WDR90: variants seen among roughly 807,000 people sequenced by gnomAD.
WDR90 encodes the protein WD repeat domain 90, also known as WD repeat-containing protein 90.
A neutral mutation model predicts 195.2 loss-of-function variants in WDR90; 238 were observed. The observed-to-expected ratio is 1.22, with a 90% CI of 1.10 to 1.36. The LOEUF (loss-of-function observed/expected upper bound fraction) is 1.36. Ranked by LOEUF, WDR90 falls within the 40% of genes most tolerant of loss-of-function variation. The probability of loss-of-function intolerance (pLI) is 0.00; values close to 1 mark genes in which losing one functional copy is unlikely to be tolerated. For missense variants in WDR90, 2,734 were observed against 2,439.5 expected (o/e 1.12, Z -2.54); for synonymous variants, 1,265 against 1,052.4 (o/e 1.20, Z -3.91).
At position 650,991 on chromosome 16, in the gene WDR90, G is replaced by A. The variant is rs774032173; in HGVS notation, c.560-4G>A. ...TTGACCTGGAACAACCCTGCTCCTT[G>A]TAGCCATCTCTGGGGCCCAGTGGGC... On this transcript the variant is annotated splice_polypyrimidine_tract_variant and splice_region_variant and intron_variant, in intron 5 of 40. Coordinates refer to ENST00000293879, the MANE Select transcript of WDR90 (RefSeq NM_145294.5). The A allele has an allele frequency of 1.9e-5, 31 of 1,612,886 alleles. No individual in the cohort carries two copies. Among genetic ancestry groups the A allele is most frequent in the African/African-American group, 2.7e-5 (2 of 74,932 alleles).
At position 656,369 on chromosome 16, in the gene WDR90, C is replaced by T. The variant is rs1334237345; in HGVS notation, c.2034C>T (p.Ser678=). ...GCCTCCGTGTGCTGTCTGCCACCTC[C>T]TCGGGCCACCTGGGCTTCCTGGACA... ...PDGLRVLSAT[S]SGHLGFLDTL... The change falls in exon 18 of 41, where the codon TCC becomes TCT. Residue 678 remains serine, a synonymous_variant. Transcript: ENST00000293879. 1 of 1,609,558 alleles carries T rather than the reference C, an allele frequency of 6.2e-7. No individual in the cohort carries two copies. Among genetic ancestry groups the T allele is most frequent in the Non-Finnish European group, 8.5e-7 (1 of 1,179,740 alleles).
At position 651,028 on chromosome 16, in the gene WDR90, T is replaced by C; in HGVS notation, c.593T>C (p.Val198Ala). ...GGGGCCCAGTGGGCAAAGCTGCCCG[T>C]GACTCCTATGCCTCGGGAAATGGCA... The part of the protein sequence containing the change: ...ISGAQWAKLP[V>A]TPMPREMAFP... The change falls in exon 6 of 41, where the codon GTG (valine) becomes GCG (alanine). Residue 198 changes from valine (V) to alanine (A), a missense_variant. Val to Ala is a moderately conservative substitution (Grantham distance 64). Coordinates refer to ENST00000293879, the MANE Select transcript of WDR90 (RefSeq NM_145294.5). The C allele has an allele frequency of 6.2e-7, 1 of 1,613,348 alleles. No homozygotes were observed. Among genetic ancestry groups the C allele is most frequent in the Non-Finnish European group, 8.5e-7 (1 of 1,179,950 alleles).
chr16:652,138 C>A, intron 9 of WDR90, 99 bp downstream of exon 9: 2 of 1,356,362 alleles, frequency 1.5e-6, no homozygotes, highest in Non-Finnish European at 2.0e-6. Context: ...GTGCCTCCAA[C>A]GGTCTCCTCT....
intron 27 of WDR90, 132 bp downstream of exon 27, chr16:660,293 C>T (rs1596466401): frequency 9.5e-6 from 8 of 845,380 alleles, no homozygotes; most frequent in Admixed American, 3.0e-5. Context: ...GCGCCTGTCC[C>T]CTGGAGGCAA....
At chr16:655,522 G>T (rs1409096927) in intron 15 of WDR90, 51 bp from the exon 16 acceptor site, 4 of 1,541,512 alleles carry the variant, frequency 2.6e-6, no homozygotes, top group Admixed American at 3.8e-5. Flanking sequence ...CCTGGTGCCT[G>T]GGCCTCCCCT....
chr16:667,591 A>AT lies in WDR90; in HGVS notation c.*3dup. ...GTGTGGGAGGTCCCCGGCCTCTGAGATGCAGCAGGGACTGTGGTGGTGGGC... is the reference window on the plus strand; with the variant it reads ...GTGTGGGAGGTCCCCGGCCTCTGAGATTGCAGCAGGGACTGTGGTGGTGGGC... On this transcript the variant is annotated 3_prime_UTR_variant, in exon 41 of 41. Transcript: ENST00000293879. 8.7e-6 allele frequency: 14 copies of AT among 1,606,478 alleles called. No individual in the cohort carries two copies. Among genetic ancestry groups the AT allele is most frequent in the Non-Finnish European group, 1.2e-5 (14 of 1,179,932 alleles).
chr16:661,097 G>A lies in WDR90; in HGVS notation c.3438G>A (p.Leu1146=). The A allele has an allele frequency of 6.5e-7, 1 of 1,531,844 alleles. No homozygotes were observed. The highest frequency in any genetic ancestry group is 8.7e-7 in the Non-Finnish European group (1 of 1,152,670). 94.9% of individuals were successfully genotyped at this position (1,531,844 alleles called of 1,614,324 possible). The part of the protein sequence containing the change: ...TCGRLVVVED[L]HSGAQQHWSG... The stretch of plus-strand genomic sequence containing the variant: ...GCCGCCTGGTGGTGGTGGAGGACCT[G>A]CACTCTGGCGCCCAGCAGCACTGGT... The change falls in exon 29 of 41, where the codon CTG becomes CTA. Residue 1146 remains leucine (L), a synonymous_variant. Coordinates refer to ENST00000293879, the MANE Select transcript of WDR90 (RefSeq NM_145294.5).
At chr16:658,712 G>A in intron 23 of WDR90, 59 bp downstream of exon 23, 3 of 1,585,878 alleles carry the variant, frequency 1.9e-6, no homozygotes, top group Non-Finnish European at 2.6e-6. Flanking sequence ...GGTGGCCCTG[G>A]AGACCCCTGC....
intron 13 of WDR90, 63 bp from the exon 14 acceptor site, chr16:654,966 C>A: frequency 1.3e-6 from 2 of 1,539,314 alleles, no homozygotes; most frequent in Non-Finnish European, 8.9e-7. Flanking sequence ...TCGGCTGGGC[C>A]TTGCAGAATC....
rs202089109 is a variant in WDR90, at chr16:661,765, G to A, written c.3842G>A (p.Arg1281His). Reference protein sequence around the residue: ...GTVTFWLLQQRGADISLQVRR... With the variant: ...GTVTFWLLQQHGADISLQVRR... ...GTCACCTTCTGGCTCCTTCAGCAGC[G>A]TGGGGCAGACATCAGCCTTCAGGTG... is the stretch of plus-strand genomic sequence containing the variant. The change falls in exon 31 of 41, where the codon CGT (arginine) becomes CAT (histidine). Residue 1281 changes from arginine (R) to histidine (H), a missense_variant. Arg to His is a conservative substitution (Grantham distance 29). Coordinates refer to ENST00000293879, the MANE Select transcript of WDR90 (RefSeq NM_145294.5). The A allele has an allele frequency of 1.9e-5, 30 of 1,606,128 alleles. No individual in the cohort carries two copies. The highest frequency in any genetic ancestry group is 1.5e-4 in the African/African-American group (11 of 74,702).
chr16:661,166 T>G lies in WDR90; in HGVS notation c.3507T>G (p.Ser1169Arg). 6.5e-7 allele frequency: 1 copy of G among 1,542,696 alleles called. No individual in the cohort carries two copies. Among genetic ancestry groups the G allele is most frequent in the Non-Finnish European group, 8.7e-7 (1 of 1,149,564 alleles). Residue 1169 changes from serine (S) to arginine (R), a missense_variant, in exon 29 of 41, where the codon AGT becomes AGG. Coordinates refer to ENST00000293879, the MANE Select transcript of WDR90 (RefSeq NM_145294.5). ...TCTCCACGCTGGCCCTCAGCCACAGTGCCCAGGTGCCCGCCTGCATCGCCC... is the reference window on the plus strand; with the variant it reads ...TCTCCACGCTGGCCCTCAGCCACAGGGCCCAGGTGCCCGCCTGCATCGCCC... ...AEISTLALSHSAQVLASASGR... is the reference protein window; with the variant it reads ...AEISTLALSHRAQVLASASGR...
intron 7 of WDR90, 47 bp downstream of exon 7, chr16:651,313 G>A (rs777055041): frequency 3.1e-6 from 5 of 1,600,716 alleles, no homozygotes; most frequent in East Asian, 2.2e-5. Context: ...CCTGTAGGGT[G>A]CGTGGGGCTC....
intron 13 of WDR90, chr16:654,415 C>G (rs1370353377): frequency 6.8e-6 from 1 of 146,836 alleles, no homozygotes; most frequent in Non-Finnish European, 1.5e-5. Context: ...GCATCTTGCT[C>G]TGTCGCCCAG....
chr16:650,913 G>A (rs2037632371), intron 5 of WDR90, 82 bp from the exon 6 acceptor site: 1 of 1,537,280 alleles, frequency 6.5e-7, no homozygotes, highest in Non-Finnish European at 9.0e-7. Context: ...TGGGCTGGTG[G>A]CGTGGCAGTG....
chr16:666,052 T>C lies in WDR90; in HGVS notation c.4537T>C (p.Ser1513Pro), dbSNP rs1309353840. The C allele has an allele frequency of 6.2e-7, 1 of 1,606,962 alleles. No individual in the cohort carries two copies. Among genetic ancestry groups the C allele is most frequent in the East Asian group, 2.2e-5 (1 of 44,878 alleles). The part of the protein sequence containing the change: ...GDGSLRIFSV[S>P]RTAMELKMHP... Reference sequence around the variant, plus strand: ...CGGCTCCCTGCGCATCTTCAGCGTCTCCCGCACGGCCATGGAGCTCAAGAT... The same window carrying C: ...CGGCTCCCTGCGCATCTTCAGCGTCCCCCGCACGGCCATGGAGCTCAAGAT... Residue 1513 changes from serine to proline, a missense_variant, in exon 36 of 41, where the codon TCC (serine) becomes CCC (proline). Coordinates refer to ENST00000293879, the MANE Select transcript of WDR90 (RefSeq NM_145294.5).
Position 658,674 on chromosome 16 carries a change from G to A in WDR90, c.2895+21G>A, listed in dbSNP as rs377399007. ...CCCAGGTGTGTGCGTGGGGAGGCAGGTGGCTTTGGCGGTCAGGAGCCTCCT... is the reference window on the plus strand; with the variant it reads ...CCCAGGTGTGTGCGTGGGGAGGCAGATGGCTTTGGCGGTCAGGAGCCTCCT... On this transcript the variant is annotated intron_variant, in intron 23 of 40. Transcript: ENST00000293879. 9.4e-6 allele frequency: 15 copies of A among 1,598,704 alleles called. No homozygotes were observed. The Middle Eastern group carries it at 7.1e-4, about 76-fold the overall frequency.
chr16:650,587 T>A lies in WDR90; in HGVS notation c.437T>A (p.Leu146His). The change falls in exon 5 of 41, where the codon CTC becomes CAC. Residue 146 changes from leucine to histidine, a missense_variant. Physicochemically the swap from Leu to His is moderately conservative, Grantham distance 99. Transcript: ENST00000293879. The stretch of plus-strand genomic sequence containing the variant: ...GGAGCCCGCTGGACCTGCCTGCAGC[T>A]CGATCTGCAGGACGTTCTCCTGGTC... ...PSGARWTCLQ[L>H]DLQDVLLVYL... 1.2e-6 allele frequency: 2 copies of A among 1,612,550 alleles called. No homozygotes were observed.
In WDR90 at chr16:666,784, C is replaced by T. The variant is rs753001830; in HGVS notation, c.4996C>T (p.Gln1666Ter). Residue 1666 changes from glutamine to a stop codon, truncating the protein, a stop_gained, in exon 39 of 41, where the codon CAG becomes TAG. Coordinates refer to ENST00000293879, the MANE Select transcript of WDR90 (RefSeq NM_145294.5). LOFTEE classifies it high-confidence loss of function. ...YKEVIIYNLCQKQVVEKIPLP... is the reference protein window; with the variant it reads ...YKEVIIYNLC ...GGAGGTGATCATCTACAACCTCTGCCAGAAGCAGGTACACGCAGCTGCCCG... is the reference window on the plus strand; with the variant it reads ...GGAGGTGATCATCTACAACCTCTGCTAGAAGCAGGTACACGCAGCTGCCCG... 4 of 1,612,742 alleles carry T rather than the reference C, an allele frequency of 2.5e-6. No individual in the cohort carries two copies. In the Admixed American group the frequency reaches 6.7e-5, roughly 27 times the overall value.
In WDR90 at chr16:666,912, A is replaced by G. The variant is rs181856803; in HGVS notation, c.5012A>G (p.Glu1671Gly). The change falls in exon 40 of 41, where the codon GAG (glutamate) becomes GGG (glycine). Residue 1671 changes from glutamate to glycine, a missense_variant. Physicochemically the swap from Glu to Gly is moderately conservative, Grantham distance 98. Transcript: ENST00000293879. Reference protein sequence around the residue: ...IYNLCQKQVVEKIPLPFFAMS... With the variant: ...IYNLCQKQVVGKIPLPFFAMS... ...CACGCTGGCTGCTCACAGGTGGTGG[A>G]GAAGATACCACTGCCCTTTTTTGCC... The G allele has an allele frequency of 6.8e-6, 11 of 1,612,766 alleles. No homozygotes were observed. Among genetic ancestry groups the G allele is most frequent in the Non-Finnish European group, 9.3e-6 (11 of 1,179,878 alleles).
Sources: gnomAD v4.1 joint callset for allele counts on GRCh38, gnomAD v4.1.1 for gene constraint, MANE v1.5 for transcripts, NCBI Gene and HGNC (gene_info 2026-07-23, HGNC 2026-07-21) for gene names.